The following REXO5 variants were observed in gnomAD, a reference collection of about 807,000 sequenced individuals.
The protein encoded by REXO5 is RNA exonuclease 5.
A neutral mutation model predicts 88.5 loss-of-function variants in REXO5; 48 were observed. That is an observed-to-expected ratio of 0.54 (90% confidence interval 0.43 to 0.69). The LOEUF (loss-of-function observed/expected upper bound fraction) is 0.69. Among genes scored for constraint, REXO5 ranks in the 30% least tolerant of loss-of-function variants. The pLI is 0.00. For missense variants in REXO5, 749 were observed against 912.2 expected, an observed-to-expected ratio of 0.82 and a Z score of 2.30; for synonymous variants, 311 against 336.5, an observed-to-expected ratio of 0.92 and a Z score of 0.83.
chr16:20,845,308 A>T, intron 18 of REXO5, 67 bp downstream of exon 18: 1 of 1,408,376 alleles, frequency 7.1e-7, no homozygotes, highest in South Asian at 1.4e-5. Flanking sequence ...TTAATCCTTT[A>T]ATCTTTTTTT....
In REXO5 at chr16:20,827,147, A is replaced by T. The variant is rs922600381; in HGVS notation, c.911A>T (p.Asp304Val). Reference protein sequence around the residue: ...QRQLKALLPPDAVLVGHSLDL... With the variant: ...QRQLKALLPPVAVLVGHSLDL... ...CAGTTAAAAGCACTGCTTCCTCCTG[A>T]TGCTGTGTTAGTGGGCCACTCCTTA... Residue 304 changes from aspartate to valine, a missense_variant, in exon 9 of 20, where the codon GAT (aspartate) becomes GTT (valine). Coordinates refer to ENST00000261377, the MANE Select transcript of REXO5 (RefSeq NM_030941.3). 1 of 1,613,970 alleles carries T rather than the reference A, an allele frequency of 6.2e-7. No homozygotes were observed. Among genetic ancestry groups the T allele is most frequent in the Admixed American group, 1.7e-5 (1 of 59,990 alleles).
intron 12 of REXO5, 80 bp from the exon 13 acceptor site, chr16:20,832,923 G>A (rs1386424368): frequency 7.4e-7 from 1 of 1,359,498 alleles, no homozygotes; most frequent in Non-Finnish European, 1.0e-6. Flanking sequence ...CTACCATATT[G>A]TATAATGCAA....
At position 20,825,809 on chromosome 16, in the gene REXO5, C is replaced by A. The variant is rs372397157; in HGVS notation, c.706-24C>A. On this transcript the variant is annotated intron_variant, in intron 7 of 19. Transcript: ENST00000261377. Reference sequence around the variant, plus strand: ...AGCAATAACTTCCACAGTTCAGCAGCCTGACTACATGTTGGTCTTTCAGTG... The same window carrying A: ...AGCAATAACTTCCACAGTTCAGCAGACTGACTACATGTTGGTCTTTCAGTG... 2.3e-4 allele frequency: 343 copies of A among 1,523,418 alleles called. 1 individual carries two copies. The highest frequency in any genetic ancestry group is 2.8e-4 in the Non-Finnish European group (312 of 1,098,768). The allele number at this position is 1,523,418 out of a possible 1,614,324, so 94.4% of individuals were successfully genotyped here. A position where few individuals can be genotyped will look rare whatever the true frequency, so the allele number is the denominator to read the frequency against.
Position 20,806,585 on chromosome 16 carries a change from C to T in REXO5, c.-123C>T, listed in dbSNP as rs2080880181. On this transcript the variant is annotated 5_prime_UTR_variant, in exon 1 of 20. Transcript: ENST00000261377. ...CTCTGCTCCCCGCCCGTCTTCTCTT[C>T]TGCGTTTCCCGGGCTAGGGGGCGTG... 29 of 1,454,104 alleles carry T rather than the reference C, an allele frequency of 2.0e-5. No individual in the cohort carries two copies. Among genetic ancestry groups the T allele is most frequent in the South Asian group, 4.1e-5 (3 of 72,710 alleles). The allele number at this position is 1,454,104 out of a possible 1,614,324, so 90.1% of individuals were successfully genotyped here. A position where few individuals can be genotyped will look rare whatever the true frequency, so the allele number is the denominator to read the frequency against.
intron 13 of REXO5, among the ~76,000 whole-genome samples, chr16:20,838,686 T>C (rs146171128): frequency 7.2e-5 from 11 of 152,300 alleles, no homozygotes; most frequent in African/African-American, 2.4e-4. Flanking sequence ...TAACATGCCA[T>C]GGTGATCACA....
At chr16:20,828,686 T>C in intron 11 of REXO5, 149 bp downstream of exon 11, 2 of 585,520 alleles carry the variant, frequency 3.4e-6, no homozygotes, top group Non-Finnish European at 6.2e-6. Context: ...CCCAGCACTT[T>C]GGGAGGCCAG....
At position 20,821,871 on chromosome 16, in the gene REXO5, G is replaced by A. The variant is rs753894486; in HGVS notation, c.585G>A (p.Glu195=). Residue 195 remains glutamate (E), a synonymous_variant, in exon 6 of 20, where the codon GAG becomes GAA. Coordinates refer to ENST00000261377, the MANE Select transcript of REXO5 (RefSeq NM_030941.3). The stretch of plus-strand genomic sequence containing the variant: ...TGACCAGATGCCTTCTGACAAAGGA[G>A]GAAATGAGAACGTTTCACTTTCCAT... ...VGLTRCLLTK[E]EMRTFHFPLQ... The A allele has an allele frequency of 1.3e-6, 2 of 1,596,664 alleles. No individual in the cohort carries two copies. Among genetic ancestry groups the A allele is most frequent in the South Asian group, 2.3e-5 (2 of 87,906 alleles).
Position 20,807,038 on chromosome 16 carries a change from G to A in REXO5, c.85G>A (p.Ala29Thr). The change falls in exon 2 of 20, where the codon GCT becomes ACT. Residue 29 changes from alanine to threonine, a missense_variant. Ala to Thr is a moderately conservative substitution (Grantham distance 58, BLOSUM62 0). Coordinates refer to ENST00000261377, the MANE Select transcript of REXO5 (RefSeq NM_030941.3). ...GGCCCCAAATAAGCTGGTCGGGGCA[G>A]CTGAGGCGATGAAAGCCGGTTGGGA... ...RQAPNKLVGA[A>T]EAMKAGWDLE... is the part of the protein sequence containing the mutation. 2.5e-6 allele frequency: 4 copies of A among 1,604,182 alleles called. No individual in the cohort carries two copies. The highest frequency in any genetic ancestry group is 8.5e-7 in the Non-Finnish European group (1 of 1,176,086).
intron 5 of REXO5, among the ~76,000 whole-genome samples, chr16:20,821,493 T>C (rs1325775310): frequency 6.6e-6 from 1 of 152,120 alleles, no homozygotes; most frequent in Non-Finnish European, 1.5e-5. Context: ...GGTTTCACCA[T>C]GTTAGCCAGG....
intron 4 of REXO5, 77 bp downstream of exon 4, chr16:20,815,130 G>A: frequency 1.4e-6 from 2 of 1,479,112 alleles, no homozygotes; most frequent in East Asian, 4.8e-5. Context: ...CAGGGACCAT[G>A]CTCCTTGGCA....
chr16:20,849,364 G>T, intron 19 of REXO5, 35 bp from the exon 20 acceptor site: 1 of 1,578,518 alleles, frequency 6.3e-7, no homozygotes. Flanking sequence ...CAACCTTATG[G>T]ATAAAAACAT....
chr16:20,834,307 A>T (rs903676721), intron 13 of REXO5, among the ~76,000 whole-genome samples: 6 of 152,164 alleles, frequency 3.9e-5, no homozygotes, highest in Non-Finnish European at 8.8e-5. Context: ...TCTAATAAAT[A>T]TGTGGGGAGA....
intron 14 of REXO5, 39 bp from the exon 15 acceptor site, chr16:20,840,292 T>C (rs1370551525): frequency 6.8e-7 from 1 of 1,459,872 alleles, no homozygotes; most frequent in Middle Eastern, 2.2e-4. Context: ...TCTCTTTCCA[T>C]ATTCATTCCC....
At chr16:20,807,673 G>T (rs1208758642) in intron 2 of REXO5, among the ~76,000 whole-genome samples, 2 of 151,148 alleles carry the variant, frequency 1.3e-5, no homozygotes, top group Admixed American at 6.6e-5. Context: ...AGGCCAAGGC[G>T]GGAGCATCAT....
rs140829164 is a variant in REXO5, at chr16:20,842,598, C to T, written c.1627-1336C>T. ...CGAGCAATCCTCCCACCTCAGCCTC[C>T]TGCTGGGACCACAGGCATGCACGCC... On this transcript the variant is annotated intron_variant, in intron 15 of 19. Transcript: ENST00000261377. 1.5e-3 allele frequency among the ~76,000 whole-genome samples: 232 copies of T among 152,000 alleles called. 2 individuals carry two copies. Among genetic ancestry groups the T allele is most frequent in the Admixed American group, 4.9e-3 (75 of 15,276 alleles).
intron 10 of REXO5, 65 bp downstream of exon 10, chr16:20,827,512 T>A: frequency 8.5e-7 from 1 of 1,173,594 alleles, no homozygotes; most frequent in Non-Finnish European, 1.3e-6. Context: ...ATGTAGTATC[T>A]AATTTAATGC....
At chr16:20,827,646 C>G (rs2081279580) in intron 10 of REXO5, among the ~76,000 whole-genome samples, 199 bp downstream of exon 10, 1 of 152,042 alleles carries the variant, frequency 6.6e-6, no homozygotes, top group Admixed American at 6.5e-5. Context: ...GCTTAATGGA[C>G]AGAACTGAAC....
intron 5 of REXO5, among the ~76,000 whole-genome samples, chr16:20,818,009 C>T (rs892047336): frequency 1.3e-5 from 2 of 152,132 alleles, no homozygotes; most frequent in Admixed American, 1.3e-4. Context: ...CTCTAAGACA[C>T]CAGTGTTGAA....
Position 20,828,621 on chromosome 16 carries a change from T to C in REXO5, c.1158+84T>C, listed in dbSNP as rs867479172. ...TATCACAGACTACCAACTCCTATTA[T>C]CTATTTTTATGAAAATGGCAGTGTG... is the stretch of plus-strand genomic sequence containing the variant. On this transcript the variant is annotated intron_variant, in intron 11 of 19. Transcript: ENST00000261377. 6 of 968,980 alleles carry C rather than the reference T, an allele frequency of 6.2e-6. No homozygotes were observed. In the Middle Eastern group the frequency reaches 8.5e-4, roughly 137 times the overall value. The allele number at this position is 968,980 out of a possible 1,614,324, so 60.0% of individuals were successfully genotyped here.
Sources: allele counts gnomAD v4.1 joint callset (sites outside exome capture counted in the v4.1 genomes callset), GRCh38; gene constraint gnomAD v4.1.1; transcripts MANE v1.5; gene names NCBI Gene and HGNC (gene_info 2026-07-23, HGNC 2026-07-21).